Variants in PLAC1 observed in about 807,000 individuals in gnomAD.
PLAC1 encodes the protein placenta associated 1, also known as placenta-specific protein 1.
For missense variants in PLAC1, 136 were observed against 163.2 expected, an observed-to-expected ratio of 0.83 and a Z score of 0.91; for synonymous variants, 68 against 62.1, an observed-to-expected ratio of 1.09 and a Z score of -0.44.
chrX:134,648,752 C>T (rs771941885), intron 1 of PLAC1, among the ~76,000 whole-genome samples: 6 of 111,135 alleles, frequency 5.4e-5, no homozygotes, highest in Admixed American at 1.9e-4. Flanking sequence ...CCATTATGTA[C>T]GAAATGAATA....
At chrX:134,645,802 G>C (rs1307286047) in intron 1 of PLAC1, among the ~76,000 whole-genome samples, 1 of 111,991 alleles carries the variant, frequency 8.9e-6, no homozygotes, top group Non-Finnish European at 1.9e-5. Context: ...TCAAGCGTGA[G>C]TTTTTAGGCC....
At position 134,759,075 on chromosome X, in the gene PLAC1, T is replaced by C. The variant is rs750758327; in HGVS notation, n.89+5159A>G. Among the ~76,000 whole-genome samples, 23 of 111,230 alleles carry C rather than the reference T, an allele frequency of 2.1e-4. No individual in the cohort carries two copies. The South Asian group carries it at 7.6e-3, about 37-fold the overall frequency. On this transcript the variant is annotated intron_variant and non_coding_transcript_variant, in intron 1 of 2. Transcript: ENST00000466797. ...TGCAGATCAAAACCACAATGAGATATCATCTTACCCCAGTCAGAATGGCTA... is the reference window on the plus strand; with the variant it reads ...TGCAGATCAAAACCACAATGAGATACCATCTTACCCCAGTCAGAATGGCTA...
chrX:134,680,604 T>TAAACA (rs746073865), intron 2 of PLAC1, among the ~76,000 whole-genome samples: 6,130 of 102,632 alleles, frequency 0.06, 190 homozygotes, highest in Non-Finnish European at 0.078. Flanking sequence ...TAAACTAAAC[T>TAAACA]AAACACCTTC....
At chrX:134,692,615 C>T (rs2078547102) in intron 2 of PLAC1, among the ~76,000 whole-genome samples, 1 of 112,189 alleles carries the variant, frequency 8.9e-6, no homozygotes, top group Non-Finnish European at 1.9e-5. Context: ...TTACTACATT[C>T]CTCACAGAGC....
chrX:134,588,032 G>C (rs1169604994), intron 2 of PLAC1, among the ~76,000 whole-genome samples: 6 of 111,844 alleles, frequency 5.4e-5, no homozygotes, highest in Non-Finnish European at 9.4e-5. Context: ...ATTGACCCTA[G>C]AAAAGCCCAA....
At chrX:134,577,173 G>C (rs2077943602) in intron 2 of PLAC1, among the ~76,000 whole-genome samples, 1 of 112,252 alleles carries the variant, frequency 8.9e-6, no homozygotes, top group African/African-American at 3.2e-5. Flanking sequence ...GTTAAAAGTG[G>C]TATTGGTGCT....
intron 2 of PLAC1, among the ~76,000 whole-genome samples, chrX:134,701,752 T>C: frequency 8.9e-6 from 1 of 112,339 alleles, no homozygotes; most frequent in South Asian, 3.7e-4. Context: ...GCGCAGTGGC[T>C]CACGCCTGTA....
chrX:134,751,565 A>G (rs2078745074), intron 1 of PLAC1, among the ~76,000 whole-genome samples: 1 of 111,493 alleles, frequency 9.0e-6, no homozygotes, highest in Non-Finnish European at 1.9e-5. Flanking sequence ...GGCATCTTCT[A>G]CCATTTTGTT....
In PLAC1 at chrX:134,600,474, G is replaced by T. The variant is rs1437640033; in HGVS notation, c.-59+1577C>A. ...GAGCCACTGTACCCCACCCCTCAGA[G>T]CATTTAAATCTGAAATGGCTTCTGG... On this transcript the variant is annotated intron_variant, in intron 2 of 2. Coordinates refer to ENST00000359237, the MANE Select transcript of PLAC1 (RefSeq NM_021796.4). Among the ~76,000 whole-genome samples, 6 of 111,781 alleles carry T rather than the reference G, an allele frequency of 5.4e-5. No individual in the cohort carries two copies. In the East Asian group the frequency reaches 1.4e-3, roughly 26 times the overall value.
At chrX:134,675,625 A>T (rs781155240) in intron 2 of PLAC1, among the ~76,000 whole-genome samples, 2 of 109,129 alleles carry the variant, frequency 1.8e-5, no homozygotes, top group East Asian at 5.8e-4. Flanking sequence ...AGTTTGTGCC[A>T]TTGCACTCCA....
At chrX:134,641,672 G>A (rs1052588174) in intron 1 of PLAC1, among the ~76,000 whole-genome samples, 2 of 111,735 alleles carry the variant, frequency 1.8e-5, no homozygotes, top group African/African-American at 6.5e-5. Context: ...TGAGACGTGG[G>A]CAGGAGCCAG....
At chrX:134,620,703 A>G (rs950940450) in intron 1 of PLAC1, among the ~76,000 whole-genome samples, 3 of 111,939 alleles carry the variant, frequency 2.7e-5, no homozygotes, top group Non-Finnish European at 5.6e-5. Flanking sequence ...GAAAGATTCA[A>G]ATAAGATAGT....
intron 2 of PLAC1, among the ~76,000 whole-genome samples, chrX:134,685,723 C>T (rs2078514707): frequency 9.0e-6 from 1 of 111,339 alleles, no homozygotes; most frequent in Admixed American, 9.6e-5. Context: ...AACTAGGCAA[C>T]AATAGCTTTT....
In PLAC1 at chrX:134,566,514, A is replaced by G; in HGVS notation, c.169T>C (p.Leu57=). 1 of 1,211,920 alleles carries G rather than the reference A, an allele frequency of 8.3e-7. No individual in the cohort carries two copies. Among genetic ancestry groups the G allele is most frequent in the Non-Finnish European group, 1.1e-6 (1 of 895,416 alleles). ...TGGTTTGGGGGGCAACCCAGGCCCA[A>G]GTGTAGTTCATGAAAGTGTACACAC... ...DVCVHFHELH[L]GLGCPPNHVQ... Residue 57 remains leucine, a synonymous_variant, in exon 3 of 3, where the codon TTG becomes CTG. Transcript: ENST00000359237.
intron 1 of PLAC1, among the ~76,000 whole-genome samples, chrX:134,610,240 T>C (rs1332632486): frequency 1.8e-5 from 2 of 111,027 alleles, no homozygotes; most frequent in African/African-American, 6.6e-5. Flanking sequence ...CCTCCCAAAG[T>C]GCTGGGATTA....
chrX:134,716,407 G>A (rs2078643430), intron 2 of PLAC1, among the ~76,000 whole-genome samples: 1 of 112,689 alleles, frequency 8.9e-6, no homozygotes, highest in African/African-American at 3.2e-5. Context: ...AGATCAGTAG[G>A]GCATGTTATC....
intron 1 of PLAC1, among the ~76,000 whole-genome samples, chrX:134,758,884 G>A (rs764898269): frequency 1.1e-3 from 121 of 111,521 alleles, no homozygotes; most frequent in African/African-American, 3.7e-3. Context: ...TCATCTAATG[G>A]GGACTTAATA....
intron 2 of PLAC1, among the ~76,000 whole-genome samples, chrX:134,692,992 TACTA>T (rs1483390476): frequency 1.8e-5 from 2 of 111,931 alleles, no homozygotes; most frequent in East Asian, 2.8e-4. Context: ...TTTGAAAGTA[TACTA>T]ACTGTTTTAT....
chrX:134,589,923 C>G (rs748091894), intron 2 of PLAC1, among the ~76,000 whole-genome samples: 136 of 110,730 alleles, frequency 1.2e-3, no homozygotes, highest in Admixed American at 3.0e-3. Context: ...GGGCCGGGCG[C>G]GGTGGCTCAC....
Sources: gnomAD v4.1 joint callset for allele counts (sites outside exome capture counted in the v4.1 genomes callset) on GRCh38, gnomAD v4.1.1 for gene constraint, MANE v1.5 for transcripts, NCBI Gene and HGNC (gene_info 2026-07-23, HGNC 2026-07-21) for gene names.